The following SFTPA1 variants were observed in gnomAD, a reference collection of about 807,000 sequenced individuals.
The protein encoded by SFTPA1 is pulmonary surfactant-associated protein A1.
In SFTPA1, 13 loss-of-function variants were observed where a neutral mutation model predicts 19.1. The observed-to-expected ratio is 0.68, with a 90% CI of 0.44 to 1.08. The LOEUF is 1.08. Ranked by LOEUF, SFTPA1 falls within the 50% of genes least tolerant of loss-of-function variation. The pLI is 0.00. For missense variants in SFTPA1, 259 were observed against 316.4 expected (o/e 0.82, Z 1.38); for synonymous variants, 101 against 117.0 (o/e 0.86, Z 0.88).
chr10:79,614,848 T>A lies in SFTPA1; in HGVS notation c.*735T>A. The A allele has an allele frequency of 1.8e-6, 1 of 564,450 alleles. No individual in the cohort carries two copies. Among genetic ancestry groups the A allele is most frequent in the Non-Finnish European group, 2.8e-6 (1 of 351,166 alleles). 35.0% of individuals were successfully genotyped at this position (564,450 alleles called of 1,614,324 possible). A position where few individuals can be genotyped will look rare whatever the true frequency, so the allele number is the denominator to read the frequency against. ...AGATGTGACCCGAGTAACTTTCAAC[T>A]GATGAACAAATCTGCACCCTACTTC... On this transcript the variant is annotated 3_prime_UTR_variant, in exon 6 of 6. Coordinates refer to ENST00000398636, the MANE Select transcript of SFTPA1 (RefSeq NM_005411.5).
At position 79,615,185 on chromosome 10, in the gene SFTPA1, T is replaced by G. The variant is rs1564689915; in HGVS notation, c.*1072T>G. 14 of 936,712 alleles carry G rather than the reference T, an allele frequency of 1.5e-5. No homozygotes were observed. The highest frequency in any genetic ancestry group is 2.1e-5 in the Non-Finnish European group (14 of 677,236). 58.0% of individuals were successfully genotyped at this position (936,712 alleles called of 1,614,324 possible). ...GAGCACCTATCATTTGCCAAGAACCTTGACAAGCACTTCTAATACAGCATA... is the reference window on the plus strand; with the variant it reads ...GAGCACCTATCATTTGCCAAGAACCGTGACAAGCACTTCTAATACAGCATA... On this transcript the variant is annotated 3_prime_UTR_variant, in exon 6 of 6. Transcript: ENST00000398636.
chr10:79,612,990 G>C (rs545826173), intron 4 of SFTPA1, among the ~76,000 whole-genome samples, 199 bp from the exon 5 acceptor site: 2 of 152,026 alleles, frequency 1.3e-5, no homozygotes, highest in South Asian at 2.1e-4. Context: ...CAGGGGCAAG[G>C]CTTCACTAAA....
intron 5 of SFTPA1, 88 bp downstream of exon 5, chr10:79,613,354 C>T: frequency 1.3e-6 from 2 of 1,582,646 alleles, no homozygotes; most frequent in Non-Finnish European, 1.7e-6. Context: ...ATAGAGATTA[C>T]AAATAGGCAT....
intron 2 of SFTPA1, 164 bp downstream of exon 2, chr10:79,611,553 A>G (rs1009919161): frequency 3.7e-5 from 57 of 1,540,956 alleles, no homozygotes; most frequent in Admixed American, 8.1e-5. Flanking sequence ...GGCTCCCCAG[A>G]GCTCCTTACT....
At chr10:79,611,695 G>A (rs913229413) in intron 2 of SFTPA1, 108 bp from the exon 3 acceptor site, 30 of 1,597,762 alleles carry the variant, frequency 1.9e-5, no homozygotes, top group Admixed American at 1.1e-4. Flanking sequence ...CTCTGGTCTC[G>A]CCCGCCCTGC....
At position 79,611,882 on chromosome 10, in the gene SFTPA1, G is replaced by C. The variant is rs146565196; in HGVS notation, c.57G>C (p.Val19=). The C allele has an allele frequency of 3.7e-6, 6 of 1,614,010 alleles. No individual in the cohort carries two copies. The South Asian group carries it at 6.6e-5, about 18-fold the overall frequency. The change falls in exon 3 of 6, where the codon GTG becomes GTC. Residue 19 remains valine, a synonymous_variant. Coordinates refer to ENST00000398636, the MANE Select transcript of SFTPA1 (RefSeq NM_005411.5). The stretch of plus-strand genomic sequence containing the variant: ...TCTTGATGGCAGCCTCTGGTGCTGT[G>C]TGCGAAGTGAAGGACGTTTGTGTTG... ...NLILMAASGA[V]CEVKDVCVGS...
In SFTPA1 at chr10:79,614,975, A is replaced by G. The variant is rs189599674; in HGVS notation, c.*862A>G. On this transcript the variant is annotated 3_prime_UTR_variant, in exon 6 of 6. Coordinates refer to ENST00000398636, the MANE Select transcript of SFTPA1 (RefSeq NM_005411.5). ...TATTTCATTAAAATTATCACGTGCC[A>G]GGTCTTAGGATATGTCGTGGGGTGG... is the stretch of plus-strand genomic sequence containing the variant. 1 of 1,302,426 alleles carries G rather than the reference A, an allele frequency of 7.7e-7. No homozygotes were observed. Among genetic ancestry groups the G allele is most frequent in the South Asian group, 1.2e-5 (1 of 80,330 alleles). 80.7% of individuals were successfully genotyped at this position (1,302,426 alleles called of 1,614,324 possible).
chr10:79,613,924 T>C lies in SFTPA1; in HGVS notation c.558T>C (p.Tyr186=). The change falls in exon 6 of 6, where the codon TAT becomes TAC. Residue 186 remains tyrosine, a synonymous_variant. Transcript: ENST00000398636. ...TGAAGAAGTACAACACATATGCCTA[T>C]GTAGGCCTGACTGAGGGTCCCAGCC... ...SFVKKYNTYA[Y]VGLTEGPSPG... 1 of 1,614,044 alleles carries C rather than the reference T, an allele frequency of 6.2e-7. No individual in the cohort carries two copies. Among genetic ancestry groups the C allele is most frequent in the Non-Finnish European group, 8.5e-7 (1 of 1,179,898 alleles).
chr10:79,614,204 C>T lies in SFTPA1; in HGVS notation c.*91C>T, dbSNP rs1445201663. On this transcript the variant is annotated 3_prime_UTR_variant, in exon 6 of 6. Transcript: ENST00000398636. ...CTTGGTCTGTGAGATGCTAGAACTC[C>T]CTTTCAACAGAATTCACTTGTGGCT... is the stretch of plus-strand genomic sequence containing the variant. 7 of 1,604,264 alleles carry T rather than the reference C, an allele frequency of 4.4e-6. No individual in the cohort carries two copies. The highest frequency in any genetic ancestry group is 1.7e-6 in the Non-Finnish European group (2 of 1,173,232).
chr10:79,611,815 G>T lies in SFTPA1; in HGVS notation c.-11G>T, dbSNP rs1481998624. ...ATCCCTCCTGCAGGAGCAGCGACTG[G>T]ACCCAGAGCCATGTGGCTGTGCCCT... On this transcript the variant is annotated 5_prime_UTR_variant, in exon 3 of 6. Transcript: ENST00000398636. 3 of 1,613,922 alleles carry T rather than the reference G, an allele frequency of 1.9e-6. No individual in the cohort carries two copies. The East Asian group carries it at 6.7e-5, about 36-fold the overall frequency.
At chr10:79,613,396 C>T in intron 5 of SFTPA1, 130 bp downstream of exon 5, 2 of 1,420,172 alleles carry the variant, frequency 1.4e-6, no homozygotes, top group Non-Finnish European at 2.0e-6. Context: ...AGGAATGACG[C>T]TTGCTTTTCT....
Position 79,614,644 on chromosome 10 carries a change from A to ACTCT in SFTPA1, c.*531_*532insCTCT. The stretch of plus-strand genomic sequence containing the variant: ...TCTGGCACTCTGAGGTCTCTGTGGC[A>ACTCT]GGCCTGGTCAGGCTCTCCATGAGGT... On this transcript the variant is annotated 3_prime_UTR_variant, in exon 6 of 6. Transcript: ENST00000398636. The ACTCT allele has an allele frequency of 3.8e-6, 1 of 260,168 alleles. No homozygotes were observed. Among genetic ancestry groups the ACTCT allele is most frequent in the Non-Finnish European group, 7.6e-6 (1 of 132,336 alleles). The allele number at this position is 260,168 out of a possible 1,614,324, so 16.1% of individuals were successfully genotyped here. A position where few individuals can be genotyped will look rare whatever the true frequency, so the allele number is the denominator to read the frequency against.
In SFTPA1 at chr10:79,611,841, C is replaced by G; in HGVS notation, c.16C>G (p.Leu6Val). MWLCP[L>V]ALNLILMAAS... is the part of the protein sequence containing the mutation. ...ACCCAGAGCCATGTGGCTGTGCCCT[C>G]TGGCCCTCAACCTCATCTTGATGGC... Residue 6 changes from leucine (L) to valine (V), a missense_variant, in exon 3 of 6, where the codon CTG becomes GTG. Coordinates refer to ENST00000398636, the MANE Select transcript of SFTPA1 (RefSeq NM_005411.5). 6.2e-7 allele frequency: 1 copy of G among 1,614,042 alleles called. No individual in the cohort carries two copies. Among genetic ancestry groups the G allele is most frequent in the Non-Finnish European group, 8.5e-7 (1 of 1,179,870 alleles).
chr10:79,611,720 C>T (rs1859857360), intron 2 of SFTPA1, 83 bp from the exon 3 acceptor site: 4 of 1,608,990 alleles, frequency 2.5e-6, no homozygotes, highest in African/African-American at 1.3e-5. Flanking sequence ...CGGGCTCTGC[C>T]CAGCTTCCTG....
intron 4 of SFTPA1, 62 bp from the exon 5 acceptor site, chr10:79,613,127 G>A (rs377194955): frequency 3.7e-5 from 60 of 1,613,094 alleles, no homozygotes; most frequent in East Asian, 1.6e-4. Flanking sequence ...AAACACCTGC[G>A]TGGCAGCAAG....
chr10:79,612,530 C>T, intron 4 of SFTPA1, 99 bp downstream of exon 4: 1 of 1,566,378 alleles, frequency 6.4e-7, no homozygotes, highest in African/African-American at 1.4e-5. Flanking sequence ...CCTACAGGTT[C>T]CCCAAGGGCA....
In SFTPA1 at chr10:79,613,282, G is replaced by A. The variant is rs777210515; in HGVS notation, c.370+16G>A. On this transcript the variant is annotated intron_variant, in intron 5 of 5. Coordinates refer to ENST00000398636, the MANE Select transcript of SFTPA1 (RefSeq NM_005411.5). The stretch of plus-strand genomic sequence containing the variant: ...ACAAGGGGAGGTAAGGGGACCCCCT[G>A]GGCCTCACGGGGTAGGAGTTTCCCA... 1.2e-6 allele frequency: 2 copies of A among 1,614,038 alleles called. No homozygotes were observed. The highest frequency in any genetic ancestry group is 1.7e-6 in the Non-Finnish European group (2 of 1,179,986).
Position 79,611,869 on chromosome 10 carries a change from C to A in SFTPA1, c.44C>A (p.Ala15Asp), listed in dbSNP as rs756112462. 2.5e-6 allele frequency: 4 copies of A among 1,613,882 alleles called. No homozygotes were observed. Among genetic ancestry groups the A allele is most frequent in the Non-Finnish European group, 3.4e-6 (4 of 1,179,870 alleles). ...PLALNLILMAASGAVCEVKDV... is the reference protein window; with the variant it reads ...PLALNLILMADSGAVCEVKDV... Reference sequence around the variant, plus strand: ...GCCCTCAACCTCATCTTGATGGCAGCCTCTGGTGCTGTGTGCGAAGTGAAG... The same window carrying A: ...GCCCTCAACCTCATCTTGATGGCAGACTCTGGTGCTGTGTGCGAAGTGAAG... The change falls in exon 3 of 6, where the codon GCC (alanine) becomes GAC (aspartate). Residue 15 changes from alanine to aspartate, a missense_variant. By Grantham distance (126) the Ala-to-Asp change is moderately radical (BLOSUM62 -2). Coordinates refer to ENST00000398636, the MANE Select transcript of SFTPA1 (RefSeq NM_005411.5).
rs1208360465 is a variant in SFTPA1 at position 79,614,897 on chromosome 10, A to AC, written c.*790dup. Reference sequence around the variant, plus strand: ...TCAGATTTCAGTGGGCATTCACACCACCCCCCACACCACTGGCTCTGCTTT... The same window carrying AC: ...TCAGATTTCAGTGGGCATTCACACCACCCCCCCACACCACTGGCTCTGCTTT... On this transcript the variant is annotated 3_prime_UTR_variant, in exon 6 of 6. Coordinates refer to ENST00000398636, the MANE Select transcript of SFTPA1 (RefSeq NM_005411.5). 7.2e-6 allele frequency: 7 copies of AC among 970,254 alleles called. No homozygotes were observed. The highest frequency in any genetic ancestry group is 5.7e-5 in the Admixed American group (2 of 35,260). 60.1% of individuals were successfully genotyped at this position (970,254 alleles called of 1,614,324 possible).
Sources: allele counts gnomAD v4.1 joint callset (sites outside exome capture counted in the v4.1 genomes callset), GRCh38; gene constraint gnomAD v4.1.1; transcripts MANE v1.5; gene names NCBI Gene and HGNC (gene_info 2026-07-23, HGNC 2026-07-21).